The following SLC26A11 variants were observed in gnomAD, a reference collection of about 807,000 sequenced individuals.
SLC26A11 encodes the protein solute carrier family 26 member 11, also known as sodium-independent sulfate anion transporter.
Under a neutral mutation model 62.2 loss-of-function variants are expected in SLC26A11, and 58 were observed. That is an observed-to-expected ratio of 0.93 (90% confidence interval 0.76 to 1.16). The LOEUF (loss-of-function observed/expected upper bound fraction) is 1.16. Among genes scored for constraint, SLC26A11 ranks in the 50% most tolerant of loss-of-function variants. The pLI, the probability that SLC26A11 is intolerant of heterozygous loss-of-function variation, is 0.00. For synonymous variants in SLC26A11, 411 were observed against 368.9 expected, an observed-to-expected ratio of 1.11 and a Z score of -1.31; for missense variants, 790 against 794.3, an observed-to-expected ratio of 0.99 and a Z score of 0.06.
chr17:80,226,194 C>T (rs756367635), intron 6 of SLC26A11, among the ~76,000 whole-genome samples: 17 of 152,102 alleles, frequency 1.1e-4, no homozygotes, highest in Admixed American at 2.6e-4. Context: ...GGGCAATGTT[C>T]CTCTCTCCAC....
Position 80,227,881 on chromosome 17 carries a change from G to A in SLC26A11, c.657G>A (p.Arg219=). The change falls in exon 7 of 18, where the codon CGG becomes CGA. Residue 219 remains arginine, a synonymous_variant. Coordinates refer to ENST00000361193, the MANE Select transcript of SLC26A11 (RefSeq NM_001166347.2). ...TGCTGCTGGTGCTGAAGCTGATGCGGGACCACGTGCCTCCCGTCCACCCCG... is the reference window on the plus strand; with the variant it reads ...TGCTGCTGGTGCTGAAGCTGATGCGAGACCACGTGCCTCCCGTCCACCCCG... ...MLLLLVLKLM[R]DHVPPVHPEM... is the part of the protein sequence containing the mutation. The A allele has an allele frequency of 6.2e-7, 1 of 1,602,376 alleles. No homozygotes were observed. The highest frequency in any genetic ancestry group is 1.7e-4 in the Middle Eastern group (1 of 6,060).
At chr17:80,248,749 C>T in intron 15 of SLC26A11, 75 bp downstream of exon 15, 7 of 1,394,148 alleles carry the variant, frequency 5.0e-6, no homozygotes, top group Non-Finnish European at 6.9e-6. Context: ...TGTTCAGGAC[C>T]CCAAGACCCT....
chr17:80,224,189 A>ATGAGTGTGTG (rs2042304716), intron 5 of SLC26A11, among the ~76,000 whole-genome samples: 2 of 95,708 alleles, frequency 2.1e-5, no homozygotes, highest in South Asian at 6.4e-4. Flanking sequence ...GAGAGTGTGT[A>ATGAGTGTGTG]TGAGTGTGTG....
Position 80,227,884 on chromosome 17 carries a change from C to A in SLC26A11, c.660C>A (p.Asp220Glu). 1 of 1,602,178 alleles carries A rather than the reference C, an allele frequency of 6.2e-7. No individual in the cohort carries two copies. The highest frequency in any genetic ancestry group is 8.5e-7 in the Non-Finnish European group (1 of 1,179,842). ...LLLLVLKLMR[D>E]HVPPVHPEMP... ...TGCTGGTGCTGAAGCTGATGCGGGA[C>A]CACGTGCCTCCCGTCCACCCCGAGA... The change falls in exon 7 of 18, where the codon GAC (aspartate) becomes GAA (glutamate). Residue 220 changes from aspartate to glutamate, a missense_variant. Asp to Glu is a conservative substitution (Grantham distance 45). Transcript: ENST00000361193.
chr17:80,223,399 C>T lies in SLC26A11; in HGVS notation c.513+62C>T, dbSNP rs1287557574. ...CCACTGCTCGTTGGCACAGGGATGG[C>T]GGGAGCAGGACTGAGGCCAGTCCTG... is the stretch of plus-strand genomic sequence containing the variant. On this transcript the variant is annotated intron_variant, in intron 5 of 17. Transcript: ENST00000361193. This position sits in a 1 kb window ranked among gnomAD's most constrained non-coding sequence, Gnocchi z 4.6. The T allele has an allele frequency of 1.1e-5, 17 of 1,510,372 alleles. No individual in the cohort carries two copies. Among genetic ancestry groups the T allele is most frequent in the East Asian group, 6.9e-5 (3 of 43,590 alleles). 93.6% of individuals were successfully genotyped at this position (1,510,372 alleles called of 1,614,324 possible).
intron 5 of SLC26A11, among the ~76,000 whole-genome samples, chr17:80,224,438 TGTGA>T (rs774862570): frequency 0.064 from 7,444 of 115,784 alleles, 246 homozygotes; most frequent in South Asian, 0.083. Context: ...TGGGTGTGGG[TGTGA>T]GAGTGTGAGT....
chr17:80,226,150 A>G (rs928569608), intron 6 of SLC26A11, among the ~76,000 whole-genome samples: 2 of 151,976 alleles, frequency 1.3e-5, no homozygotes, highest in African/African-American at 4.8e-5. Flanking sequence ...CGCAGGGGAG[A>G]GTTCAAGAAG....
At chr17:80,226,518 T>A (rs1431190089) in intron 6 of SLC26A11, among the ~76,000 whole-genome samples, 1 of 152,164 alleles carries the variant, frequency 6.6e-6, no homozygotes, top group African/African-American at 2.4e-5. Flanking sequence ...CTGGTCAACA[T>A]GGTGAAACTC....
At position 80,252,813 on chromosome 17, in the gene SLC26A11, C is replaced by T; in HGVS notation, c.*97C>T. On this transcript the variant is annotated 3_prime_UTR_variant, in exon 18 of 18. Coordinates refer to ENST00000361193, the MANE Select transcript of SLC26A11 (RefSeq NM_001166347.2). This position sits in a 1 kb window ranked among gnomAD's most constrained non-coding sequence, Gnocchi z 5.2. The stretch of plus-strand genomic sequence containing the variant: ...GATGCCGCCTGATAGACATGCTGGC[C>T]TGGCTGAGAAACCCCTGAGCAGGTA... 8.7e-7 allele frequency: 1 copy of T among 1,151,734 alleles called. No individual in the cohort carries two copies. The highest frequency in any genetic ancestry group is 1.2e-6 in the Non-Finnish European group (1 of 800,990). The allele number at this position is 1,151,734 out of a possible 1,614,324, so 71.3% of individuals were successfully genotyped here. A position where few individuals can be genotyped will look rare whatever the true frequency, so the allele number is the denominator to read the frequency against.
At chr17:80,233,206 T>G (rs1263134746) in intron 7 of SLC26A11, among the ~76,000 whole-genome samples, 2 of 149,700 alleles carry the variant, frequency 1.3e-5, no homozygotes, top group Non-Finnish European at 3.0e-5. Context: ...CCAAGATCCG[T>G]CACTGAAGCT....
chr17:80,250,603 C>G (rs1422154742), intron 16 of SLC26A11, among the ~76,000 whole-genome samples: 2 of 152,000 alleles, frequency 1.3e-5, no homozygotes, highest in Non-Finnish European at 2.9e-5. Flanking sequence ...TTTGAGAGGC[C>G]GAGGCGGGAG....
chr17:80,241,497 C>T (rs1598828441), intron 9 of SLC26A11, among the ~76,000 whole-genome samples: 1 of 152,056 alleles, frequency 6.6e-6, no homozygotes, highest in Non-Finnish European at 1.5e-5. Flanking sequence ...TGGGCTCAAG[C>T]GATCCTCCTG....
chr17:80,252,548 T>C lies in SLC26A11; in HGVS notation c.1730-77T>C. 1 of 1,418,862 alleles carries C rather than the reference T, an allele frequency of 7.0e-7. No homozygotes were observed. The highest frequency in any genetic ancestry group is 1.2e-5 in the South Asian group (1 of 82,738). The allele number at this position is 1,418,862 out of a possible 1,614,324, so 87.9% of individuals were successfully genotyped here. A position where few individuals can be genotyped will look rare whatever the true frequency, so the allele number is the denominator to read the frequency against. On this transcript the variant is annotated intron_variant, in intron 17 of 17. Transcript: ENST00000361193. The surrounding 1 kb of genome is among the most constrained non-coding windows in gnomAD (Gnocchi z 5.2). ...CTTCCAGGACTCTGGAAGGCCCTCC[T>C]TAATCCCTTCCTGTGAACTGACCCA...
At chr17:80,242,301 AT>A (rs2042885709) in intron 10 of SLC26A11, among the ~76,000 whole-genome samples, 1 of 152,138 alleles carries the variant, frequency 6.6e-6, no homozygotes, top group Non-Finnish European at 1.5e-5. Context: ...ACAAGGACTC[AT>A]TCCCAGACCT....
chr17:80,226,342 A>G (rs985825368), intron 6 of SLC26A11, among the ~76,000 whole-genome samples: 2 of 152,144 alleles, frequency 1.3e-5, no homozygotes, highest in African/African-American at 4.8e-5. Flanking sequence ...CAGGTGGTGC[A>G]GGGACGGCAG....
In SLC26A11 at chr17:80,246,292, G is replaced by C. The variant is rs889430447; in HGVS notation, c.1153+83G>C. ...AGGGGGCCCACAGAGACGTCCCTTT[G>C]GCTCATGGGCCGTGCGCCCCGGGAC... On this transcript the variant is annotated intron_variant, in intron 12 of 17. Transcript: ENST00000361193. The surrounding 1 kb of genome is among the most constrained non-coding windows in gnomAD (Gnocchi z 4.4). 3 of 1,522,260 alleles carry C rather than the reference G, an allele frequency of 2.0e-6. No homozygotes were observed. Among genetic ancestry groups the C allele is most frequent in the Non-Finnish European group, 2.7e-6 (3 of 1,125,166 alleles). The allele number at this position is 1,522,260 out of a possible 1,614,324, so 94.3% of individuals were successfully genotyped here. A position where few individuals can be genotyped will look rare whatever the true frequency, so the allele number is the denominator to read the frequency against.
Position 80,246,123 on chromosome 17 carries a change from G to T in SLC26A11, c.1098-31G>T. ...TGAGGTCTCCCTTTTCCCGGCCCCT[G>T]GTGACTGACGGTCTCTGTGTTGCCT... On this transcript the variant is annotated intron_variant, in intron 11 of 17. Coordinates refer to ENST00000361193, the MANE Select transcript of SLC26A11 (RefSeq NM_001166347.2). The surrounding 1 kb of genome is among the most constrained non-coding windows in gnomAD (Gnocchi z 4.4). 6.2e-7 allele frequency: 1 copy of T among 1,612,964 alleles called. No homozygotes were observed. The highest frequency in any genetic ancestry group is 8.5e-7 in the Non-Finnish European group (1 of 1,179,816).
chr17:80,222,688 G>A lies in SLC26A11; in HGVS notation c.268G>A (p.Val90Met), dbSNP rs190898093. ...GLYSAFMGCF[V>M]YFFLGTSRDV... ...CTACTCTGCCTTCATGGGCTGCTTCGTGTATTTCTTCCTGGGCACCTCCCG... is the reference window on the plus strand; with the variant it reads ...CTACTCTGCCTTCATGGGCTGCTTCATGTATTTCTTCCTGGGCACCTCCCG... Residue 90 changes from valine to methionine, a missense_variant, in exon 4 of 18, where the codon GTG becomes ATG. By Grantham distance (21) the Val-to-Met change is conservative (BLOSUM62 1). Transcript: ENST00000361193. The surrounding 1 kb of genome is among the most constrained non-coding windows in gnomAD (Gnocchi z 4.7). The A allele has an allele frequency of 2.8e-5, 45 of 1,614,082 alleles. No homozygotes were observed. The highest frequency in any genetic ancestry group is 3.3e-5 in the Non-Finnish European group (39 of 1,180,004).
chr17:80,224,442 A>G (rs74723943), intron 5 of SLC26A11, among the ~76,000 whole-genome samples: 1 of 120,250 alleles, frequency 8.3e-6, no homozygotes, highest in Non-Finnish European at 1.8e-5. Context: ...TGTGGGTGTG[A>G]GAGTGTGAGT....
Sources: gnomAD v4.1 joint callset for allele counts (sites outside exome capture counted in the v4.1 genomes callset) on GRCh38, gnomAD v4.1.1 for gene constraint, Gnocchi (gnomAD v3.1) non-coding constraint, MANE v1.5 for transcripts, NCBI Gene and HGNC (gene_info 2026-07-23, HGNC 2026-07-21) for gene names.